CNTNAP2: variants seen among roughly 807,000 people sequenced by gnomAD.
CNTNAP2 encodes contactin-associated protein-like 2.
Under a neutral mutation model 155.2 loss-of-function variants are expected in CNTNAP2, and 98 were observed. The observed-to-expected ratio is 0.63, with a 90% CI of 0.54 to 0.75. The LOEUF is 0.75. CNTNAP2 is among the 30% of genes least tolerant of loss of function. The pLI is 0.00. For synonymous variants in CNTNAP2, 651 were observed against 631.2 expected, an observed-to-expected ratio of 1.03 and a Z score of -0.47; for missense variants, 1,727 against 1,688.1, an observed-to-expected ratio of 1.02 and a Z score of -0.40.
At chr7:147,553,697 A>G (rs1310497074) in intron 11 of CNTNAP2, among the ~76,000 whole-genome samples, 5 of 152,110 alleles carry the variant, frequency 3.3e-5, no homozygotes, top group Admixed American at 3.3e-4. Flanking sequence ...ATAATTAGCA[A>G]TAAGAAAGGG....
At chr7:146,549,389 C>CA (rs1275100504) in intron 1 of CNTNAP2, among the ~76,000 whole-genome samples, 3 of 151,888 alleles carry the variant, frequency 2.0e-5, no homozygotes, top group African/African-American at 7.3e-5. Flanking sequence ...AATATTTACA[C>CA]AAAAATATGA....
intron 20 of CNTNAP2, among the ~76,000 whole-genome samples, chr7:148,233,537 TA>T (rs1415441418): frequency 6.6e-6 from 1 of 152,220 alleles, no homozygotes; most frequent in Non-Finnish European, 1.5e-5. Flanking sequence ...AACCTTTTGT[TA>T]TTATATCATT....
At chr7:146,983,337 A>G (rs1299780144) in intron 3 of CNTNAP2, among the ~76,000 whole-genome samples, 2 of 152,200 alleles carry the variant, frequency 1.3e-5, no homozygotes, top group African/African-American at 4.8e-5. Context: ...GTGCCAGTGT[A>G]TATTCCCTAA....
At chr7:146,282,384 G>A (rs531547632) in intron 1 of CNTNAP2, among the ~76,000 whole-genome samples, 32 of 152,310 alleles carry the variant, frequency 2.1e-4, no homozygotes, top group South Asian at 8.3e-4. Context: ...GACCTTGTCT[G>A]TCTCTCCTCC....
chr7:147,564,822 A>G (rs1463868150), intron 12 of CNTNAP2, among the ~76,000 whole-genome samples: 1 of 141,902 alleles, frequency 7.0e-6, no homozygotes, highest in Non-Finnish European at 1.6e-5. Flanking sequence ...GGAGCAGAAT[A>G]CAACTTTTTG....
rs370061334 is a variant in CNTNAP2 at position 146,982,959 on chromosome 7, AG to A, written c.403-60947del. Among the ~76,000 whole-genome samples, 715 of 152,336 alleles carry A rather than the reference AG, an allele frequency of 4.7e-3. 6 individuals are homozygous for A. The highest frequency in any genetic ancestry group is 0.016 in the African/African-American group (681 of 41,586). On this transcript the variant is annotated intron_variant, in intron 3 of 23. Coordinates refer to ENST00000361727, the MANE Select transcript of CNTNAP2 (RefSeq NM_014141.6). Reference sequence around the variant, plus strand: ...CCTAAGCTGCAAAATTGGAAAAAAAAGTACAGATTTAGAAAATATGCTGCCA... The same window carrying A: ...CCTAAGCTGCAAAATTGGAAAAAAAATACAGATTTAGAAAATATGCTGCCA...
intron 18 of CNTNAP2, among the ~76,000 whole-genome samples, chr7:148,204,332 G>T (rs1054816282): frequency 6.6e-6 from 1 of 152,198 alleles, no homozygotes; most frequent in African/African-American, 2.4e-5. Flanking sequence ...TAAAGTAGTT[G>T]CAGAGATAAC....
intron 1 of CNTNAP2, among the ~76,000 whole-genome samples, chr7:146,236,879 T>A (rs1477721967): frequency 6.6e-6 from 1 of 152,050 alleles, no homozygotes; most frequent in African/African-American, 2.4e-5. Context: ...CAGGAGGGAG[T>A]TCTGAGTTAC....
chr7:146,639,352 A>G (rs1229945873), intron 1 of CNTNAP2, among the ~76,000 whole-genome samples: 1 of 152,204 alleles, frequency 6.6e-6, no homozygotes, highest in Non-Finnish European at 1.5e-5. Flanking sequence ...GATAACCAAT[A>G]ACTTTCAAGG....
At chr7:148,004,674 C>A (rs1801944966) in intron 15 of CNTNAP2, among the ~76,000 whole-genome samples, 1 of 152,160 alleles carries the variant, frequency 6.6e-6, no homozygotes, top group Non-Finnish European at 1.5e-5. Flanking sequence ...AAGAAAGCTT[C>A]TTTCTTCAGC....
intron 8 of CNTNAP2, among the ~76,000 whole-genome samples, chr7:147,189,987 A>G (rs994669600): frequency 2.2e-4 from 34 of 151,848 alleles, no homozygotes; most frequent in East Asian, 1.2e-3. Flanking sequence ...CTCGTGATCC[A>G]CCCGCCTCGG....
At chr7:148,235,797 T>C (rs1425006263) in intron 20 of CNTNAP2, among the ~76,000 whole-genome samples, 1 of 150,766 alleles carries the variant, frequency 6.6e-6, no homozygotes, top group African/African-American at 2.4e-5. Context: ...GTGAATCTCC[T>C]GTGTCAGTCT....
chr7:147,784,118 G>A (rs1797697089), intron 13 of CNTNAP2, among the ~76,000 whole-genome samples: 1 of 151,632 alleles, frequency 6.6e-6, no homozygotes, highest in Admixed American at 6.6e-5. Flanking sequence ...CATGTCTCTG[G>A]GTCCAGATAT....
At chr7:146,442,762 G>A (rs570030102) in intron 1 of CNTNAP2, among the ~76,000 whole-genome samples, 3 of 152,252 alleles carry the variant, frequency 2.0e-5, no homozygotes, top group African/African-American at 7.2e-5. Context: ...TTAGCCTTCA[G>A]GATTCCAACA....
At position 147,003,042 on chromosome 7, in the gene CNTNAP2, A is replaced by G. The variant is rs1209441347; in HGVS notation, c.403-40865A>G. 1.3e-4 allele frequency among the ~76,000 whole-genome samples: 19 copies of G among 151,860 alleles called. 1 individual carries two copies. Among genetic ancestry groups the G allele is most frequent in the Admixed American group, 1.3e-3 (19 of 15,188 alleles). On this transcript the variant is annotated intron_variant, in intron 3 of 23. Transcript: ENST00000361727. The stretch of plus-strand genomic sequence containing the variant: ...ACTAACAGAAAAGGGTTGTATCTCT[A>G]GCATTATGAGGAAGAGAAGTCCCAG...
intron 1 of CNTNAP2, among the ~76,000 whole-genome samples, chr7:146,727,935 G>T (rs1365489326): frequency 6.6e-6 from 1 of 152,084 alleles, no homozygotes; most frequent in African/African-American, 2.4e-5. Context: ...CTAGCATTTT[G>T]CTGAGCATTC....
At chr7:147,823,952 G>A (rs1423114968) in intron 13 of CNTNAP2, among the ~76,000 whole-genome samples, 2 of 152,120 alleles carry the variant, frequency 1.3e-5, no homozygotes, top group African/African-American at 4.8e-5. Flanking sequence ...CTATTTTACT[G>A]TCTCCCTGGC....
intron 9 of CNTNAP2, among the ~76,000 whole-genome samples, chr7:147,333,481 C>A (rs1470780959): frequency 3.3e-5 from 5 of 152,134 alleles, no homozygotes; most frequent in Admixed American, 2.0e-4. Flanking sequence ...TTGAGAGCTG[C>A]ATACAGAAAA....
At chr7:146,712,686 AAAAT>A (rs1197824917) in intron 1 of CNTNAP2, among the ~76,000 whole-genome samples, 2 of 151,830 alleles carry the variant, frequency 1.3e-5, no homozygotes, top group African/African-American at 2.4e-5. Flanking sequence ...AGTTTAAGAT[AAAAT>A]AAATAGTCTA....
Sources: gnomAD v4.1 joint callset for allele counts (sites outside exome capture counted in the v4.1 genomes callset) on GRCh38, gnomAD v4.1.1 for gene constraint, MANE v1.5 for transcripts, NCBI Gene and HGNC (gene_info 2026-07-23, HGNC 2026-07-21) for gene names.